The following GRID2 variants were observed in gnomAD, a reference collection of about 807,000 sequenced individuals.
The protein encoded by GRID2 is glutamate ionotropic receptor delta type subunit 2.
Under a neutral mutation model 114.8 loss-of-function variants are expected in GRID2, and 33 were observed. That is an observed-to-expected ratio of 0.29 (90% confidence interval 0.22 to 0.38). The LOEUF (loss-of-function observed/expected upper bound fraction) is 0.38. Among genes scored for constraint, GRID2 ranks in the 10% least tolerant of loss-of-function variants. The pLI is 1.00. For synonymous variants in GRID2, 505 were observed against 449.9 expected (o/e 1.12, Z -1.55); for missense variants, 1,184 against 1,257.7 (o/e 0.94, Z 0.89).
chr4:93,652,154 T>C (rs1342472852), intron 14 of GRID2, among the ~76,000 whole-genome samples: 1 of 152,138 alleles, frequency 6.6e-6, no homozygotes, highest in East Asian at 1.9e-4. Context: ...AAAAAGTCAC[T>C]GGGGCATGCC....
intron 8 of GRID2, among the ~76,000 whole-genome samples, chr4:93,367,536 C>A (rs1762459402): frequency 6.6e-6 from 1 of 152,000 alleles, no homozygotes; most frequent in African/African-American, 2.4e-5. Context: ...GAAAGGAAAG[C>A]ACAGCCATAA....
intron 2 of GRID2, among the ~76,000 whole-genome samples, chr4:92,941,140 A>G (rs1396278098): frequency 3.3e-5 from 5 of 152,174 alleles, no homozygotes; most frequent in African/African-American, 7.2e-5. Flanking sequence ...TTCAGAAGGA[A>G]TGGTACCAGC....
At chr4:93,271,272 C>T (rs1751430866) in intron 8 of GRID2, among the ~76,000 whole-genome samples, 1 of 152,084 alleles carries the variant, frequency 6.6e-6, no homozygotes, top group Non-Finnish European at 1.5e-5. Context: ...AATATGAACT[C>T]TGTGTAATGA....
chr4:93,781,681 T>C (rs1734481802), intron 1 of GRID2, among the ~76,000 whole-genome samples: 1 of 152,184 alleles, frequency 6.6e-6, no homozygotes. Context: ...TTAAATCACC[T>C]CTATATTATT....
chr4:92,485,346 A>G (rs1479055804), intron 1 of GRID2, among the ~76,000 whole-genome samples: 13 of 54,440 alleles, frequency 2.4e-4, no homozygotes, highest in African/African-American at 7.7e-4. Flanking sequence ...ATATATATAT[A>G]TAGTGTGTGT....
At chr4:92,538,479 A>G (rs1725761470) in intron 1 of GRID2, among the ~76,000 whole-genome samples, 1 of 152,162 alleles carries the variant, frequency 6.6e-6, no homozygotes, top group Admixed American at 6.5e-5. Flanking sequence ...AAGGAAATGC[A>G]TTTGCCTATT....
chr4:93,230,496 A>G (rs1362113972), intron 7 of GRID2, among the ~76,000 whole-genome samples: 3 of 152,122 alleles, frequency 2.0e-5, no homozygotes, highest in African/African-American at 7.2e-5. Context: ...TTGTTTTATT[A>G]TATTATGTAA....
At chr4:93,669,575 TC>T (rs1427034789) in intron 14 of GRID2, among the ~76,000 whole-genome samples, 2 of 152,162 alleles carry the variant, frequency 1.3e-5, no homozygotes, top group African/African-American at 2.4e-5. Flanking sequence ...ATATATTCAG[TC>T]TTTGAACTAT....
chr4:93,388,270 G>C (rs1230120512), intron 8 of GRID2, among the ~76,000 whole-genome samples: 1 of 152,106 alleles, frequency 6.6e-6, no homozygotes, highest in African/African-American at 2.4e-5. Flanking sequence ...TCCAGTCAAG[G>C]AAAACTGTAT....
Position 92,642,657 on chromosome 4 carries a change from TTAAC to T in GRID2, c.244+52374_244+52377del, listed in dbSNP as rs570234199. ...TTTTTAAATGCAGAAGCTCTTTAGT[TTAAC>T]TAGCTCCCATTTGTCAATTTTTGGT... On this transcript the variant is annotated intron_variant, in intron 2 of 15. Transcript: ENST00000282020. Among the ~76,000 whole-genome samples, 750 of 151,946 alleles carry T rather than the reference TTAAC, an allele frequency of 4.9e-3. 4 individuals carry two copies. Among genetic ancestry groups the T allele is most frequent in the Non-Finnish European group, 8.9e-3 (603 of 67,912 alleles).
At chr4:93,594,391 T>C (rs1297367063) in intron 13 of GRID2, among the ~76,000 whole-genome samples, 1 of 152,186 alleles carries the variant, frequency 6.6e-6, no homozygotes, top group East Asian at 1.9e-4. Flanking sequence ...GGGACCCACT[T>C]GAGGAGGCAG....
At position 93,238,311 on chromosome 4, in the gene GRID2, G is replaced by A. The variant is rs72666942; in HGVS notation, c.1126-60G>A. On this transcript the variant is annotated intron_variant, in intron 7 of 15. Coordinates refer to ENST00000282020, the MANE Select transcript of GRID2 (RefSeq NM_001510.4). Reference sequence around the variant, plus strand: ...TAGAGTTCCTAGAAGTTCCTTTTATGTTTATTTATTTATTTTTTTACTTCT... The same window carrying A: ...TAGAGTTCCTAGAAGTTCCTTTTATATTTATTTATTTATTTTTTTACTTCT... 75,180 of 1,277,152 alleles carry A rather than the reference G, an allele frequency of 0.059. 3,421 individuals are homozygous for A. Among genetic ancestry groups the A allele is most frequent in the East Asian group, 0.27 (10,360 of 38,942 alleles). 79.1% of individuals were successfully genotyped at this position (1,277,152 alleles called of 1,614,324 possible).
chr4:93,554,533 A>G (rs569313460), intron 13 of GRID2, among the ~76,000 whole-genome samples: 1 of 152,170 alleles, frequency 6.6e-6, no homozygotes, highest in South Asian at 2.1e-4. Context: ...TGTAATGATG[A>G]AATCAGGGCA....
chr4:92,927,544 T>G (rs548720620), intron 2 of GRID2, among the ~76,000 whole-genome samples: 16 of 151,712 alleles, frequency 1.1e-4, no homozygotes, highest in Non-Finnish European at 2.2e-4. Context: ...GTACAAAAAA[T>G]CATTTATAAT....
At chr4:93,245,200 A>G (rs564691355) in intron 8 of GRID2, among the ~76,000 whole-genome samples, 1 of 152,252 alleles carries the variant, frequency 6.6e-6, no homozygotes, top group Non-Finnish European at 1.5e-5. Context: ...TGAATGGCAT[A>G]TAATAGATGC....
intron 2 of GRID2, among the ~76,000 whole-genome samples, chr4:92,607,399 G>A (rs1189308267): frequency 6.6e-6 from 1 of 151,802 alleles, no homozygotes; most frequent in Non-Finnish European, 1.5e-5. Flanking sequence ...GAATTTTTCA[G>A]TGTTTTTCCT....
At chr4:93,372,711 T>A (rs1258075718) in intron 8 of GRID2, among the ~76,000 whole-genome samples, 1 of 152,154 alleles carries the variant, frequency 6.6e-6, no homozygotes, top group Non-Finnish European at 1.5e-5. Flanking sequence ...ATTGCTTCCA[T>A]CATGGATATG....
At chr4:93,156,135 T>C (rs754249551) in intron 4 of GRID2, among the ~76,000 whole-genome samples, 19 of 151,552 alleles carry the variant, frequency 1.3e-4, no homozygotes, top group Non-Finnish European at 2.2e-4. Flanking sequence ...ATTTTAAAGA[T>C]TATGAATGAA....
chr4:93,647,373 T>G (rs576720680), intron 14 of GRID2, among the ~76,000 whole-genome samples: 1 of 152,274 alleles, frequency 6.6e-6, no homozygotes, highest in African/African-American at 2.4e-5. Flanking sequence ...ATTGCTCAAT[T>G]CAGAGGTTCA....
Sources: allele counts gnomAD v4.1 joint callset (sites outside exome capture counted in the v4.1 genomes callset), GRCh38; gene constraint gnomAD v4.1.1; transcripts MANE v1.5; gene names NCBI Gene and HGNC (gene_info 2026-07-23, HGNC 2026-07-21).